The following HDLBP variants were observed in gnomAD, a reference collection of about 807,000 sequenced individuals.
The protein encoded by HDLBP is vigilin.
HDLBP carries 30 observed loss-of-function variants against 137.3 expected under a neutral mutation model. The ratio of observed to expected loss-of-function variants is 0.22; its 90% CI spans 0.16 to 0.30. The LOEUF is 0.30. Ranked by LOEUF, HDLBP falls within the 10% of genes least tolerant of loss-of-function variation. The pLI is 1.00. For missense variants in HDLBP, 1,119 were observed against 1,667.3 expected (o/e 0.67, Z 5.73); for synonymous variants, 606 against 596.0 (o/e 1.02, Z -0.24).
chr2:241,313,636 ATT>A (rs1166904999), intron 1 of HDLBP, among the ~76,000 whole-genome samples: 1 of 152,176 alleles, frequency 6.6e-6, no homozygotes, highest in African/African-American at 2.4e-5. Flanking sequence ...CTACACAGCA[ATT>A]TCCAGCAAAT....
At chr2:241,283,091 G>C (rs1023033772) in intron 1 of HDLBP, among the ~76,000 whole-genome samples, 1 of 152,222 alleles carries the variant, frequency 6.6e-6, no homozygotes, top group Non-Finnish European at 1.5e-5. Context: ...TGGTAAGAGA[G>C]CGAAACAGCC....
chr2:241,253,295 G>T, intron 10 of HDLBP, 98 bp downstream of exon 10: 1 of 858,466 alleles, frequency 1.2e-6, no homozygotes, highest in Non-Finnish European at 2.0e-6. Context: ...GGGTGTCTGT[G>T]CCCGGACATG....
Position 241,264,457 on chromosome 2 carries a change from G to A in HDLBP, c.225C>T (p.Val75=). Residue 75 remains valine (V), a synonymous_variant, in exon 4 of 28, where the codon GTC becomes GTT. Coordinates refer to ENST00000310931, the MANE Select transcript of HDLBP (RefSeq NM_005336.6). ...GNKIRPIKAS[V]ITQVFHVPLE... ...AGAATGGTGTTTCTACCTGAGTGATGACAGAAGCCTTGATGGGTCGGATCT... is the reference window on the plus strand; with the variant it reads ...AGAATGGTGTTTCTACCTGAGTGATAACAGAAGCCTTGATGGGTCGGATCT... The A allele has an allele frequency of 6.2e-7, 1 of 1,610,210 alleles. No individual in the cohort carries two copies.
chr2:241,301,329 C>T (rs1024774868), intron 1 of HDLBP, among the ~76,000 whole-genome samples: 1 of 151,874 alleles, frequency 6.6e-6, no homozygotes, highest in Non-Finnish European at 1.5e-5. Context: ...ACCACCTAAT[C>T]GTCTACTTAT....
rs545665601 is a variant in HDLBP at position 241,311,126 on chromosome 2, AAAAG to A, written c.-103+4440_-103+4443del. On this transcript the variant is annotated intron_variant, in intron 1 of 27. Coordinates refer to ENST00000310931, the MANE Select transcript of HDLBP (RefSeq NM_005336.6). ...AAGACGCTGTGTCTCAAAAAAAAAC[AAAAG>A]AAAGAAAGAAGAAAAAAAAGAAACA... Among the ~76,000 whole-genome samples, 902 of 152,148 alleles carry A rather than the reference AAAAG, an allele frequency of 5.9e-3. 6 individuals are homozygous for A. The highest frequency in any genetic ancestry group is 8.6e-3 in the Non-Finnish European group (584 of 68,012).
In HDLBP at chr2:241,228,902, C is replaced by T. The variant is rs953528451; in HGVS notation, c.*699G>A. The T allele has an allele frequency of 3.3e-5, 5 of 152,790 alleles. No homozygotes were observed. Among genetic ancestry groups the T allele is most frequent in the African/African-American group, 4.8e-5 (2 of 41,450 alleles). 9.5% of individuals were successfully genotyped at this position (152,790 alleles called of 1,614,324 possible). A position where few individuals can be genotyped will look rare whatever the true frequency, so the allele number is the denominator to read the frequency against. On this transcript the variant is annotated 3_prime_UTR_variant, in exon 28 of 28. Transcript: ENST00000310931. Reference sequence around the variant, plus strand: ...CCAGATGGTGCCTACCACCTTGCCTCCAGGCTCCACTCACCAGACCTCAGG... The same window carrying T: ...CCAGATGGTGCCTACCACCTTGCCTTCAGGCTCCACTCACCAGACCTCAGG...
At chr2:241,301,137 C>T (rs1205723747) in intron 1 of HDLBP, among the ~76,000 whole-genome samples, 5 of 146,558 alleles carry the variant, frequency 3.4e-5, no homozygotes, top group African/African-American at 7.4e-5. Flanking sequence ...CCACCAGGCC[C>T]GGCTAATTTT....
intron 1 of HDLBP, among the ~76,000 whole-genome samples, chr2:241,296,882 G>A (rs549354181): frequency 6.6e-6 from 1 of 152,372 alleles, no homozygotes; most frequent in East Asian, 1.9e-4. Context: ...CAGAAGCATA[G>A]GTGTGACAGG....
intron 1 of HDLBP, among the ~76,000 whole-genome samples, chr2:241,282,604 C>A (rs755534303): frequency 1.3e-4 from 20 of 152,214 alleles, no homozygotes; most frequent in Non-Finnish European, 1.9e-4. Flanking sequence ...TCTTTCCATG[C>A]CTCTTTTCCA....
chr2:241,287,286 T>G (rs1575024906), intron 1 of HDLBP, among the ~76,000 whole-genome samples: 1 of 152,088 alleles, frequency 6.6e-6, no homozygotes, highest in East Asian at 1.9e-4. Context: ...GATTTTTGTA[T>G]TCTTAGTAGA....
chr2:241,267,391 G>C (rs749554977), intron 2 of HDLBP, among the ~76,000 whole-genome samples: 1 of 151,982 alleles, frequency 6.6e-6, no homozygotes, highest in Non-Finnish European at 1.5e-5. Context: ...CCTCCACTTG[G>C]GGCAGTCTGC....
intron 1 of HDLBP, among the ~76,000 whole-genome samples, chr2:241,287,068 G>C (rs2149638137): frequency 6.6e-6 from 1 of 152,348 alleles, no homozygotes; most frequent in African/African-American, 2.4e-5. Context: ...TCAGTTAAGG[G>C]GGCTTTAACC....
intron 1 of HDLBP, among the ~76,000 whole-genome samples, chr2:241,299,247 G>A (rs576028005): frequency 1.3e-5 from 2 of 152,214 alleles, no homozygotes; most frequent in Non-Finnish European, 2.9e-5. Flanking sequence ...AAGGCCGGGC[G>A]CGGTGGCTCA....
intron 1 of HDLBP, chr2:241,315,218 G>A (rs555565213): frequency 3.9e-5 from 6 of 152,118 alleles, no homozygotes; most frequent in Non-Finnish European, 5.9e-5. Context: ...AGGGACGCCC[G>A]ACTCGATGGT....
chr2:241,254,147 G>A (rs1252311906), intron 9 of HDLBP, among the ~76,000 whole-genome samples: 1 of 152,072 alleles, frequency 6.6e-6, no homozygotes, highest in Non-Finnish European at 1.5e-5. Flanking sequence ...CGCCTGTAGT[G>A]CCAGCTACTT....
At chr2:241,266,710 A>G in intron 3 of HDLBP, 84 bp downstream of exon 3, 2 of 931,454 alleles carry the variant, frequency 2.1e-6, no homozygotes, top group Non-Finnish European at 3.5e-6. Context: ...AGGTACTTCT[A>G]GAAAGGGCAT....
At chr2:241,315,457 C>G (rs963409491) in intron 1 of HDLBP, 113 bp downstream of exon 1, 3 of 152,464 alleles carry the variant, frequency 2.0e-5, no homozygotes, top group African/African-American at 7.2e-5. Context: ...ACTCCCGCCA[C>G]CACCTGCCCT....
chr2:241,244,464 T>C (rs1025551245), intron 16 of HDLBP, among the ~76,000 whole-genome samples: 1 of 152,098 alleles, frequency 6.6e-6, no homozygotes. Flanking sequence ...AGGTTTGTCA[T>C]GGACAGAGGA....
chr2:241,297,252 A>C (rs62186411), intron 1 of HDLBP, among the ~76,000 whole-genome samples: 17,694 of 152,202 alleles, frequency 0.12, 1,250 homozygotes, highest in Admixed American at 0.16. Context: ...TGAGATGAGG[A>C]GGCAGCGGGC....
Sources: allele counts gnomAD v4.1 joint callset (sites outside exome capture counted in the v4.1 genomes callset), GRCh38; gene constraint gnomAD v4.1.1; transcripts MANE v1.5; gene names NCBI Gene and HGNC (gene_info 2026-07-23, HGNC 2026-07-21).